PIK3CB: variants seen among roughly 807,000 people sequenced by gnomAD.
PIK3CB encodes phosphatidylinositol-4,5-bisphosphate 3-kinase catalytic subunit beta, also known as phosphatidylinositol 4,5-bisphosphate 3-kinase catalytic subunit beta isoform.
In PIK3CB, 39 loss-of-function variants were observed where a neutral mutation model predicts 136.8. The ratio of observed to expected loss-of-function variants is 0.29; its 90% CI spans 0.22 to 0.37. The LOEUF (loss-of-function observed/expected upper bound fraction) is 0.37, where lower values mean the gene tolerates loss of function less well. Ranked by LOEUF, PIK3CB falls within the 10% of genes least tolerant of loss-of-function variation. The pLI is 1.00. For synonymous variants in PIK3CB, 428 were observed against 436.6 expected (o/e 0.98, Z 0.25); for missense variants, 868 against 1,275.4 (o/e 0.68, Z 4.87).
At chr3:138,705,924 TA>T (rs1166164174) in intron 11 of PIK3CB, among the ~76,000 whole-genome samples, 3 of 152,156 alleles carry the variant, frequency 2.0e-5, no homozygotes, top group Middle Eastern at 3.2e-3. Context: ...AGCTAACTTT[TA>T]AATTTTTGTA....
chr3:138,769,019 G>C (rs756438074), intron 2 of PIK3CB, among the ~76,000 whole-genome samples: 1 of 152,144 alleles, frequency 6.6e-6, no homozygotes, highest in Non-Finnish European at 1.5e-5. Context: ...GCTCCTGCCT[G>C]CTCCATGGAG....
At chr3:138,694,717 G>GGA in intron 14 of PIK3CB, 69 bp downstream of exon 14, 1 of 1,518,130 alleles carries the variant, frequency 6.6e-7, no homozygotes, top group South Asian at 1.2e-5. Flanking sequence ...GAGACATCAA[G>GGA]GAGACACCCT....
intron 21 of PIK3CB, among the ~76,000 whole-genome samples, chr3:138,661,772 G>C (rs900387861): frequency 1.3e-5 from 2 of 152,178 alleles, no homozygotes; most frequent in Non-Finnish European, 2.9e-5. Flanking sequence ...GTCCCTCATA[G>C]AACCAAAGTT....
intron 2 of PIK3CB, among the ~76,000 whole-genome samples, chr3:138,760,429 C>A (rs2108738106): frequency 6.6e-6 from 1 of 152,292 alleles, no homozygotes; most frequent in South Asian, 2.1e-4. Flanking sequence ...ATAAACTCCT[C>A]ATATCAAAAC....
chr3:138,809,947 G>C (rs537301003), intron 1 of PIK3CB, among the ~76,000 whole-genome samples: 13 of 152,096 alleles, frequency 8.5e-5, no homozygotes, highest in Non-Finnish European at 1.8e-4. Flanking sequence ...CCTAGGATGA[G>C]GTAAGAAATA....
In PIK3CB at chr3:138,707,202, G is replaced by A; in HGVS notation, c.1487C>T (p.Pro496Leu). ...ENATALHVKF[P>L]ENKKQPYYYP... ...ATAATAAGGTTGTTTTTTATTCTCT[G>A]GAAATTTAACATGCAAAGCTGTTGC... Residue 496 changes from proline (P) to leucine (L), a missense_variant, in exon 11 of 24, where the codon CCA (proline) becomes CTA (leucine). Around this residue, in one of 4 missense-constraint regions of PIK3CB, gnomAD observed 612 missense variants for 801.1 expected, o/e 0.76. Coordinates refer to ENST00000674063, the MANE Select transcript of PIK3CB (RefSeq NM_006219.3). The A allele has an allele frequency of 6.2e-7, 1 of 1,612,222 alleles. No homozygotes were observed. Among genetic ancestry groups the A allele is most frequent in the Non-Finnish European group, 8.5e-7 (1 of 1,178,700 alleles).
chr3:138,677,337 C>G (rs1016526965), intron 19 of PIK3CB, among the ~76,000 whole-genome samples: 1 of 152,042 alleles, frequency 6.6e-6, no homozygotes, highest in South Asian at 2.1e-4. Context: ...GGGTTACAGG[C>G]GTGAGCCACC....
intron 1 of PIK3CB, chr3:138,825,531 G>C: frequency 3.0e-6 from 2 of 663,974 alleles, no homozygotes; most frequent in African/African-American, 1.8e-5. Flanking sequence ...CTTCTGGTGG[G>C]AACAGTGACA....
At chr3:138,764,518 A>C (rs1365389471) in intron 2 of PIK3CB, among the ~76,000 whole-genome samples, 2 of 152,212 alleles carry the variant, frequency 1.3e-5, no homozygotes, top group Non-Finnish European at 2.9e-5. Flanking sequence ...TAATCCTAGC[A>C]CTTTGGGAGG....
intron 1 of PIK3CB, chr3:138,797,314 A>C (rs2046119707): frequency 6.6e-6 from 1 of 152,166 alleles, no homozygotes; most frequent in Non-Finnish European, 1.5e-5. Context: ...TAAGTAAATA[A>C]AAATGTTGGG....
At chr3:138,783,110 T>C (rs1180670151) in intron 2 of PIK3CB, among the ~76,000 whole-genome samples, 1 of 152,182 alleles carries the variant, frequency 6.6e-6, no homozygotes, top group African/African-American at 2.4e-5. Flanking sequence ...TCAACAACTT[T>C]TATCCTTGTT....
chr3:138,822,764 C>T (rs1414122807), intron 1 of PIK3CB, among the ~76,000 whole-genome samples: 1 of 150,648 alleles, frequency 6.6e-6, no homozygotes, highest in Non-Finnish European at 1.5e-5. Flanking sequence ...TCGGCTTGAA[C>T]TCAGGAGGCG....
rs552248254 is a variant in PIK3CB at position 138,690,412 on chromosome 3, C to T, written c.2036+588G>A. ...AATGAGAAATCTATTAATACAATTT[C>T]CTTAGAAAACAAAGGAATAACTTTA... On this transcript the variant is annotated intron_variant, in intron 15 of 23. Coordinates refer to ENST00000674063, the MANE Select transcript of PIK3CB (RefSeq NM_006219.3). Among the ~76,000 whole-genome samples the T allele has an allele frequency of 1.3e-4, 19 of 151,796 alleles. No homozygotes were observed. The South Asian group carries it at 3.7e-3, about 30-fold the overall frequency.
intron 2 of PIK3CB, among the ~76,000 whole-genome samples, chr3:138,761,406 A>T (rs751306200): frequency 6.6e-6 from 1 of 152,226 alleles, no homozygotes; most frequent in African/African-American, 2.4e-5. Flanking sequence ...TGGTGGAAGG[A>T]CTGTTAAAGA....
At chr3:138,719,489 G>A (rs914306154) in intron 8 of PIK3CB, among the ~76,000 whole-genome samples, 43 of 152,028 alleles carry the variant, frequency 2.8e-4, no homozygotes, top group African/African-American at 9.9e-4. Context: ...CAAGTGATCT[G>A]CCCACCTTGG....
chr3:138,767,431 C>T (rs2045746758), intron 2 of PIK3CB, among the ~76,000 whole-genome samples: 1 of 152,138 alleles, frequency 6.6e-6, no homozygotes, highest in African/African-American at 2.4e-5. Flanking sequence ...AGAATCACTG[C>T]CCTAAAATAA....
At chr3:138,705,735 C>G (rs770602052) in intron 11 of PIK3CB, among the ~76,000 whole-genome samples, 2 of 152,136 alleles carry the variant, frequency 1.3e-5, no homozygotes, top group Non-Finnish European at 2.9e-5. Flanking sequence ...ATTAAATAAA[C>G]TTTCAGCTTA....
chr3:138,801,694 C>T (rs766171183), intron 1 of PIK3CB, among the ~76,000 whole-genome samples: 17 of 151,620 alleles, frequency 1.1e-4, no homozygotes, highest in Non-Finnish European at 2.5e-4. Flanking sequence ...GAAATCCTGT[C>T]TCTACTAAAA....
At chr3:138,832,773 G>A (rs1205864878) in intron 1 of PIK3CB, among the ~76,000 whole-genome samples, 3 of 146,094 alleles carry the variant, frequency 2.1e-5, no homozygotes, top group African/African-American at 7.6e-5. Context: ...AGGTTGCGGT[G>A]AGCTGGAGAT....
Sources: allele counts gnomAD v4.1 joint callset (sites outside exome capture counted in the v4.1 genomes callset), GRCh38; gene constraint gnomAD v4.1.1; regional missense constraint gnomAD v4.1.1; transcripts MANE v1.5; gene names NCBI Gene and HGNC (gene_info 2026-07-23, HGNC 2026-07-21).